The following SCFD2 variants were observed in gnomAD, a reference collection of about 807,000 sequenced individuals.
The protein encoded by SCFD2 is sec1 family domain-containing protein 2.
In SCFD2, 54 loss-of-function variants were observed where a neutral mutation model predicts 58.9. The ratio of observed to expected loss-of-function variants is 0.92; its 90% CI spans 0.74 to 1.15. The LOEUF is 1.15. Among genes scored for constraint, SCFD2 ranks in the 50% most tolerant of loss-of-function variants. The probability of loss-of-function intolerance (pLI) is 0.00; values close to 1 mark genes in which losing one functional copy is unlikely to be tolerated. For synonymous variants in SCFD2, 321 were observed against 335.9 expected (o/e 0.96, Z 0.49); for missense variants, 805 against 836.6 (o/e 0.96, Z 0.47).
At chr4:53,267,079 T>C (rs1335708277) in intron 4 of SCFD2, among the ~76,000 whole-genome samples, 1 of 152,218 alleles carries the variant, frequency 6.6e-6, no homozygotes, top group Non-Finnish European at 1.5e-5. Context: ...TTTTTAATTG[T>C]AGATTTCTAA....
intron 4 of SCFD2, among the ~76,000 whole-genome samples, chr4:53,251,583 G>A (rs1198282841): frequency 6.6e-6 from 1 of 152,012 alleles, no homozygotes; most frequent in Non-Finnish European, 1.5e-5. Context: ...TTCAATATAT[G>A]AAAATCAATA....
intron 5 of SCFD2, among the ~76,000 whole-genome samples, chr4:53,016,946 A>C (rs1722227432): frequency 6.6e-6 from 1 of 152,180 alleles, no homozygotes; most frequent in Non-Finnish European, 1.5e-5. Flanking sequence ...GTTTCTACTA[A>C]AAATACAAAA....
At chr4:52,987,252 G>A (rs1257987574) in intron 5 of SCFD2, among the ~76,000 whole-genome samples, 1 of 152,066 alleles carries the variant, frequency 6.6e-6, no homozygotes, top group Non-Finnish European at 1.5e-5. Context: ...TCCTGTCCTC[G>A]TGATCCGCCC....
At chr4:52,999,971 T>C (rs1474312146) in intron 5 of SCFD2, among the ~76,000 whole-genome samples, 1 of 152,200 alleles carries the variant, frequency 6.6e-6, no homozygotes. Flanking sequence ...GTGGTCTATT[T>C]ATTTACCTGT....
chr4:53,249,999 G>T (rs1054446570), intron 4 of SCFD2, among the ~76,000 whole-genome samples: 1 of 152,192 alleles, frequency 6.6e-6, no homozygotes, highest in African/African-American at 2.4e-5. Context: ...AAAAGACACA[G>T]ACTGGCAAAT....
chr4:53,292,501 G>A (rs1278012240), intron 3 of SCFD2, among the ~76,000 whole-genome samples: 1 of 152,032 alleles, frequency 6.6e-6, no homozygotes, highest in Admixed American at 6.6e-5. Context: ...ACCACAATGA[G>A]ATACAATCTC....
chr4:53,145,526 C>T lies in SCFD2; in HGVS notation c.1368G>A (p.Lys456=). The T allele has an allele frequency of 6.2e-7, 1 of 1,614,086 alleles. No individual in the cohort carries two copies. The highest frequency in any genetic ancestry group is 8.5e-7 in the Non-Finnish European group (1 of 1,179,974). The change falls in exon 5 of 9, where the codon AAG becomes AAA. Residue 456 remains lysine, a synonymous_variant. Transcript: ENST00000401642. ...VVLNQLLPMI[K]PVTQRTNEDY... ...CCTCGTTGGTTCTCTGGGTTACAGG[C>T]TTAATCATGGGCAGCAGCTGATTTA...
At chr4:53,148,527 C>T (rs567912023) in intron 4 of SCFD2, among the ~76,000 whole-genome samples, 1 of 152,350 alleles carries the variant, frequency 6.6e-6, no homozygotes, top group South Asian at 2.1e-4. Flanking sequence ...GTTCCTCTAA[C>T]TCCTTAACTT....
chr4:53,184,760 T>G (rs997479499), intron 4 of SCFD2, among the ~76,000 whole-genome samples: 3 of 152,062 alleles, frequency 2.0e-5, no homozygotes, highest in Non-Finnish European at 4.4e-5. Context: ...GTATCAATAG[T>G]GCTATGCAAA....
intron 2 of SCFD2, among the ~76,000 whole-genome samples, chr4:53,337,507 GTAT>G (rs1352543180): frequency 6.6e-6 from 1 of 152,176 alleles, no homozygotes; most frequent in African/African-American, 2.4e-5. Flanking sequence ...GAACTCATAT[GTAT>G]TGCTGGTGGA....
At chr4:53,168,014 T>C (rs1393605420) in intron 4 of SCFD2, among the ~76,000 whole-genome samples, 1 of 152,166 alleles carries the variant, frequency 6.6e-6, no homozygotes, top group Non-Finnish European at 1.5e-5. Context: ...TACAATAATA[T>C]ATAAATGACA....
At chr4:53,302,041 C>G (rs1254250387) in intron 3 of SCFD2, among the ~76,000 whole-genome samples, 1 of 152,126 alleles carries the variant, frequency 6.6e-6, no homozygotes, top group Non-Finnish European at 1.5e-5. Flanking sequence ...AAAACGGGCA[C>G]AAGACAGGGA....
At chr4:52,902,797 G>A (rs1230462495) in intron 7 of SCFD2, among the ~76,000 whole-genome samples, 1 of 152,194 alleles carries the variant, frequency 6.6e-6, no homozygotes, top group Admixed American at 6.5e-5. Flanking sequence ...AGGTCACATA[G>A]TTAGTAAACG....
At chr4:53,227,251 A>C (rs1308380949) in intron 4 of SCFD2, among the ~76,000 whole-genome samples, 1 of 152,210 alleles carries the variant, frequency 6.6e-6, no homozygotes, top group African/African-American at 2.4e-5. Flanking sequence ...AATTAAGTAT[A>C]ATGTGAGAAA....
intron 5 of SCFD2, among the ~76,000 whole-genome samples, chr4:53,140,708 GC>G (rs1469458485): frequency 6.6e-6 from 1 of 152,046 alleles, no homozygotes; most frequent in African/African-American, 2.4e-5. Flanking sequence ...GGATGGTTGA[GC>G]ATGCACGGCA....
At chr4:53,347,177 T>C (rs1172248877) in intron 2 of SCFD2, among the ~76,000 whole-genome samples, 3 of 152,192 alleles carry the variant, frequency 2.0e-5, no homozygotes, top group South Asian at 2.1e-4. Flanking sequence ...TCCCCCTTTT[T>C]TGCAAATGTT....
intron 4 of SCFD2, among the ~76,000 whole-genome samples, chr4:53,221,157 C>A (rs2148995101): frequency 6.6e-6 from 1 of 152,312 alleles, no homozygotes; most frequent in East Asian, 1.9e-4. Context: ...AACCACTCAA[C>A]AGCCACCTCA....
intron 4 of SCFD2, among the ~76,000 whole-genome samples, chr4:53,152,173 A>G (rs927102519): frequency 1.3e-5 from 2 of 152,176 alleles, no homozygotes; most frequent in African/African-American, 4.8e-5. Flanking sequence ...AGGTAAATCC[A>G]GTCTCCTATA....
chr4:53,084,859 TA>T (rs754326435), intron 5 of SCFD2, among the ~76,000 whole-genome samples: 28 of 152,240 alleles, frequency 1.8e-4, no homozygotes, highest in South Asian at 1.7e-3. Context: ...TAAGATACCT[TA>T]AAAAACTGTA....
Sources: gnomAD v4.1 joint callset for allele counts (sites outside exome capture counted in the v4.1 genomes callset) on GRCh38, gnomAD v4.1.1 for gene constraint, MANE v1.5 for transcripts, NCBI Gene and HGNC (gene_info 2026-07-23, HGNC 2026-07-21) for gene names.